The following SOBP variants were observed in gnomAD, a reference collection of about 807,000 sequenced individuals.
SOBP encodes the protein sine oculis binding protein homolog, also known as sine oculis-binding protein homolog.
A neutral mutation model predicts 53.6 loss-of-function variants in SOBP; 4 were observed. That is an observed-to-expected ratio of 0.07 (90% CI 0.04 to 0.17). SOBP has a LOEUF of 0.17. SOBP is among the 10% of genes least tolerant of loss of function. The pLI is 1.00. For synonymous variants in SOBP, 584 were observed against 522.6 expected, an observed-to-expected ratio of 1.12 and a Z score of -1.60; for missense variants, 1,088 against 1,204.7, an observed-to-expected ratio of 0.90 and a Z score of 1.43.
intron 2 of SOBP, 147 bp from the exon 3 acceptor site, chr6:107,506,095 A>T: frequency 1.4e-6 from 1 of 698,942 alleles, no homozygotes. Context: ...TCCTGGATGA[A>T]CTGTGGAGTT....
intron 4 of SOBP, among the ~76,000 whole-genome samples, chr6:107,542,074 C>T (rs1331635296): frequency 6.6e-6 from 1 of 152,078 alleles, no homozygotes; most frequent in Non-Finnish European, 1.5e-5. Flanking sequence ...GGGACTTACA[C>T]TCTAGCGGGG....
rs1412959907 is a variant in SOBP, at chr6:107,634,895, C to A, written c.2051C>A (p.Ala684Asp). The A allele has an allele frequency of 7.7e-7, 1 of 1,301,178 alleles. No homozygotes were observed. Among genetic ancestry groups the A allele is most frequent in the South Asian group, 1.9e-5 (1 of 54,026 alleles). 80.6% of individuals were successfully genotyped at this position (1,301,178 alleles called of 1,614,324 possible). ...GTCAAGGCGGAGCGCGAGCCGAGCG[C>A]CGCGGAGCGCAGGACCTGCGGCGGC... is the stretch of plus-strand genomic sequence containing the variant. ...AHVKAEREPS[A>D]AERRTCGGCR... Residue 684 changes from alanine to aspartate, a missense_variant, in exon 6 of 7, where the codon GCC becomes GAC. Physicochemically the swap from Ala to Asp is moderately radical, Grantham distance 126. Transcript: ENST00000317357. This position sits in a 1 kb window ranked among gnomAD's most constrained non-coding sequence, Gnocchi z 4.5.
chr6:107,611,135 A>G (rs1583270912), intron 5 of SOBP, among the ~76,000 whole-genome samples: 1 of 152,216 alleles, frequency 6.6e-6, no homozygotes, highest in Non-Finnish European at 1.5e-5. Flanking sequence ...TGCCCCTTGT[A>G]GCTGCCCCAG....
At chr6:107,574,149 A>T (rs1294181291) in intron 4 of SOBP, among the ~76,000 whole-genome samples, 1 of 152,142 alleles carries the variant, frequency 6.6e-6, no homozygotes, top group Admixed American at 6.5e-5. Flanking sequence ...CAGTCAAAAC[A>T]TTTTTTTAAC....
chr6:107,508,608 T>C (rs929852655), intron 3 of SOBP, among the ~76,000 whole-genome samples: 1 of 151,816 alleles, frequency 6.6e-6, no homozygotes, highest in Non-Finnish European at 1.5e-5. Flanking sequence ...TCCTTTCATA[T>C]TGAGGTCTTA....
rs199673718 is a variant in SOBP at position 107,633,963 on chromosome 6, G to T, written c.1119G>T (p.Gly373=). 1.9e-6 allele frequency: 3 copies of T among 1,614,106 alleles called. No homozygotes were observed. Among genetic ancestry groups the T allele is most frequent in the East Asian group, 4.5e-5 (2 of 44,872 alleles). ...CCGTCCAGCCACCTGCTAGCATCGG[G>T]CCTCCCCTTGGCGTCCCGCCTCGGA... The part of the protein sequence containing the change: ...PVSVQPPASI[G]PPLGVPPRSP... The change falls in exon 6 of 7, where the codon GGG becomes GGT. Residue 373 remains glycine, a synonymous_variant. Coordinates refer to ENST00000317357, the MANE Select transcript of SOBP (RefSeq NM_018013.4).
In SOBP at chr6:107,634,494, G is replaced by T. The variant is rs765933953; in HGVS notation, c.1650G>T (p.Lys550Asn). 10 of 1,611,562 alleles carry T rather than the reference G, an allele frequency of 6.2e-6. No homozygotes were observed. Among genetic ancestry groups the T allele is most frequent in the Middle Eastern group, 3.3e-4 (2 of 6,060 alleles). The stretch of plus-strand genomic sequence containing the variant: ...CTATCCCTCACGTCAGCGACTCCAA[G>T]CCCCCCAACGGGTTCTCCAGCAACG... ...PIPIPHVSDS[K>N]PPNGFSSNGE... Residue 550 changes from lysine (K) to asparagine (N), a missense_variant, in exon 6 of 7, where the codon AAG becomes AAT. Transcript: ENST00000317357. This position sits in a 1 kb window ranked among gnomAD's most constrained non-coding sequence, Gnocchi z 4.5.
At chr6:107,575,940 G>A (rs947638954) in intron 4 of SOBP, among the ~76,000 whole-genome samples, 6 of 152,148 alleles carry the variant, frequency 3.9e-5, no homozygotes, top group African/African-American at 1.4e-4. Flanking sequence ...CAGAATGGCT[G>A]GGGTTTGAAA....
intron 1 of SOBP, among the ~76,000 whole-genome samples, chr6:107,491,092 G>C (rs1181733436): frequency 6.6e-6 from 1 of 152,050 alleles, no homozygotes; most frequent in Non-Finnish European, 1.5e-5. Flanking sequence ...CCAAAGTTAG[G>C]AGCCTCCTGG....
intron 3 of SOBP, among the ~76,000 whole-genome samples, chr6:107,508,420 A>G (rs553669061): frequency 6.6e-6 from 1 of 152,146 alleles, no homozygotes; most frequent in Admixed American, 6.5e-5. Context: ...CTCTACTAAA[A>G]CTGCAAAAAT....
chr6:107,633,820 CCGT>C lies in SOBP; in HGVS notation c.979_981del (p.Ser327del), dbSNP rs753449382. ...AGCTGGCCAAAGCCAGGGCCCTGGC[CCGT>C]CGGCGTCCACCACCGTCTCTCCATC... On this transcript the variant is annotated inframe_deletion, in exon 6 of 7. Transcript: ENST00000317357. The C allele has an allele frequency of 6.2e-7, 1 of 1,614,122 alleles. No homozygotes were observed. Among genetic ancestry groups the C allele is most frequent in the Non-Finnish European group, 8.5e-7 (1 of 1,180,020 alleles).
chr6:107,638,997 G>T (rs941842371), intron 6 of SOBP, among the ~76,000 whole-genome samples: 1 of 152,056 alleles, frequency 6.6e-6, no homozygotes, highest in African/African-American at 2.4e-5. Context: ...CTGCCTCCGG[G>T]GTTGAAGCAA....
chr6:107,580,945 C>T (rs1460138610), intron 4 of SOBP, among the ~76,000 whole-genome samples: 1 of 152,170 alleles, frequency 6.6e-6, no homozygotes, highest in African/African-American at 2.4e-5. Flanking sequence ...GAACACTCAA[C>T]TGGTAGGGAC....
chr6:107,557,955 T>C (rs936283242), intron 4 of SOBP: 6 of 152,218 alleles, frequency 3.9e-5, no homozygotes, highest in Non-Finnish European at 5.9e-5. Context: ...TTCTCCCATG[T>C]TATATTGCCA....
intron 1 of SOBP, among the ~76,000 whole-genome samples, chr6:107,500,130 A>G (rs1395889983): frequency 6.6e-6 from 1 of 152,126 alleles, no homozygotes; most frequent in Non-Finnish European, 1.5e-5. Flanking sequence ...AGTAGCTCAC[A>G]CCTGTAATTC....
At chr6:107,594,980 T>TA (rs752711739) in intron 5 of SOBP, among the ~76,000 whole-genome samples, 2 of 152,316 alleles carry the variant, frequency 1.3e-5, no homozygotes, top group East Asian at 3.9e-4. Flanking sequence ...GGCCAGGTCT[T>TA]ACACATTTTT....
At chr6:107,534,056 G>A (rs1255267521) in intron 4 of SOBP, among the ~76,000 whole-genome samples, 2 of 152,102 alleles carry the variant, frequency 1.3e-5, no homozygotes, top group Non-Finnish European at 2.9e-5. Context: ...TTCAAAATCT[G>A]GCCCACGAGT....
Position 107,634,099 on chromosome 6 carries a change from G to C in SOBP, c.1255G>C (p.Ala419Pro). The C allele has an allele frequency of 6.2e-7, 1 of 1,601,260 alleles. No individual in the cohort carries two copies. Among genetic ancestry groups the C allele is most frequent in the Non-Finnish European group, 8.5e-7 (1 of 1,173,394 alleles). ...CTTCATCCGCGGGCCTCCGCACCAT[G>C]CCTCCAACCCCAACAGCCCCCTGTC... ...PPFIRGPPHH[A>P]SNPNSPLSNP... The change falls in exon 6 of 7, where the codon GCC becomes CCC. Residue 419 changes from alanine to proline, a missense_variant. Physicochemically the swap from Ala to Pro is conservative, Grantham distance 27. Around this residue, in one of 6 missense-constraint regions of SOBP, gnomAD observed 211 missense variants for 258.9 expected, o/e 0.82. Transcript: ENST00000317357. This position sits in a 1 kb window ranked among gnomAD's most constrained non-coding sequence, Gnocchi z 4.5.
chr6:107,569,840 G>A (rs557089162), intron 4 of SOBP, among the ~76,000 whole-genome samples: 7 of 152,150 alleles, frequency 4.6e-5, no homozygotes, highest in Admixed American at 2.0e-4. Context: ...TCCAGGCCTC[G>A]CCCCACCTGG....
Sources: gnomAD v4.1 joint callset for allele counts (sites outside exome capture counted in the v4.1 genomes callset) on GRCh38, gnomAD v4.1.1 for gene constraint, gnomAD v4.1.1 regional missense constraint, Gnocchi (gnomAD v3.1) non-coding constraint, MANE v1.5 for transcripts, NCBI Gene and HGNC (gene_info 2026-07-23, HGNC 2026-07-21) for gene names.